The following NCOA7 variants were observed in gnomAD, a reference collection of about 807,000 sequenced individuals.
NCOA7 encodes nuclear receptor coactivator 7.
A neutral mutation model predicts 104.3 loss-of-function variants in NCOA7; 45 were observed. The ratio of observed to expected loss-of-function variants is 0.43; its 90% CI spans 0.34 to 0.55. The LOEUF is 0.55. NCOA7 is among the 20% of genes least tolerant of loss of function. The probability of loss-of-function intolerance (pLI) is 0.02; values close to 1 mark genes in which losing one functional copy is unlikely to be tolerated. For missense variants in NCOA7, 1,041 were observed against 1,119.7 expected (o/e 0.93, Z 1.00); for synonymous variants, 398 against 402.3 (o/e 0.99, Z 0.13).
At chr6:125,848,256 T>C (rs1431258600) in intron 2 of NCOA7, among the ~76,000 whole-genome samples, 1 of 152,126 alleles carries the variant, frequency 6.6e-6, no homozygotes, top group Non-Finnish European at 1.5e-5. Flanking sequence ...TCCTCAAGGA[T>C]CTAGAACTAG....
chr6:125,911,968 C>T (rs771251529), intron 10 of NCOA7, among the ~76,000 whole-genome samples: 16 of 152,338 alleles, frequency 1.1e-4, no homozygotes, highest in Non-Finnish European at 1.6e-4. Context: ...AGCTAGGAGG[C>T]ATGCCGTTGC....
intron 10 of NCOA7, among the ~76,000 whole-genome samples, chr6:125,897,847 T>C (rs1785168803): frequency 6.6e-6 from 1 of 152,212 alleles, no homozygotes; most frequent in Non-Finnish European, 1.5e-5. Flanking sequence ...GCCTGGTTAA[T>C]TTTTGCATTT....
chr6:125,882,320 TA>T, intron 6 of NCOA7, 105 bp from the exon 7 acceptor site: 1 of 1,157,706 alleles, frequency 8.6e-7, no homozygotes, highest in Middle Eastern at 2.6e-4. Context: ...ATGTTCCACT[TA>T]AATAGAAATA....
At chr6:125,815,483 G>A (rs574282392) in intron 2 of NCOA7, 79 bp downstream of exon 2, 24 of 1,202,260 alleles carry the variant, frequency 2.0e-5, no homozygotes, top group East Asian at 9.5e-5. Flanking sequence ...GTATTACTTC[G>A]CATTTTGTGT....
Position 125,928,640 on chromosome 6 carries a change from C to A in NCOA7, c.2698C>A (p.Arg900=). The A allele has an allele frequency of 6.3e-7, 1 of 1,583,776 alleles. No homozygotes were observed. Among genetic ancestry groups the A allele is most frequent in the South Asian group, 1.2e-5 (1 of 86,280 alleles). Residue 900 remains arginine, a synonymous_variant, in exon 16 of 16, where the codon CGA becomes AGA. Coordinates refer to ENST00000392477, the MANE Select transcript of NCOA7 (RefSeq NM_181782.5). ...TTTTTTTTTTAACCTTTTCAGGGGACGATTTGGTTTATGGCTAGATGCTGA... is the reference window on the plus strand; with the variant it reads ...TTTTTTTTTTAACCTTTTCAGGGGAAGATTTGGTTTATGGCTAGATGCTGA... The part of the protein sequence containing the change: ...SSLELGGGGG[R]FGLWLDADLY...
At chr6:125,838,972 C>T (rs1474635762) in intron 2 of NCOA7, among the ~76,000 whole-genome samples, 1 of 152,114 alleles carries the variant, frequency 6.6e-6, no homozygotes, top group African/African-American at 2.4e-5. Flanking sequence ...AGCTTCCATG[C>T]CCTCTCTGGG....
intron 2 of NCOA7, among the ~76,000 whole-genome samples, chr6:125,850,742 A>G (rs2128615196): frequency 6.6e-6 from 1 of 152,360 alleles, no homozygotes; most frequent in Admixed American, 6.5e-5. Flanking sequence ...CACCTTCGGA[A>G]GGGGGCAACA....
At chr6:125,817,112 G>A (rs1777662245) in intron 2 of NCOA7, among the ~76,000 whole-genome samples, 1 of 152,156 alleles carries the variant, frequency 6.6e-6, no homozygotes, top group Non-Finnish European at 1.5e-5. Flanking sequence ...TTATTGCACA[G>A]TAGCATTCCA....
upstream of NCOA7, among the ~76,000 whole-genome samples, chr6:125,790,325 G>A (rs1166025264): frequency 1.3e-5 from 2 of 152,256 alleles, no homozygotes; most frequent in African/African-American, 4.8e-5. Flanking sequence ...ACGAAGAGTA[G>A]GGGCCAGGCG....
intron 3 of NCOA7, among the ~76,000 whole-genome samples, chr6:125,859,521 A>G (rs2128624653): frequency 6.6e-6 from 1 of 152,358 alleles, no homozygotes; most frequent in South Asian, 2.1e-4. Context: ...GATATGTAAC[A>G]ATATGTTGAT....
intron 3 of NCOA7, among the ~76,000 whole-genome samples, chr6:125,861,065 T>C (rs1301118760): frequency 6.6e-6 from 1 of 152,246 alleles, no homozygotes; most frequent in Non-Finnish European, 1.5e-5. Context: ...GTACAAAGAA[T>C]GAATTTAGCT....
intron 11 of NCOA7, among the ~76,000 whole-genome samples, chr6:125,915,820 G>T (rs1288792296): frequency 6.6e-6 from 1 of 152,082 alleles, no homozygotes; most frequent in Non-Finnish European, 1.5e-5. Flanking sequence ...TCCTGTTGCA[G>T]GTACTCATAG....
At chr6:125,784,672 T>C (rs144192465) in intron 1 of NCOA7, among the ~76,000 whole-genome samples, 22 of 152,302 alleles carry the variant, frequency 1.4e-4, no homozygotes, top group African/African-American at 4.6e-4. Flanking sequence ...TTAAACAAAC[T>C]GTGGTACATC....
At chr6:125,792,012 T>A (rs1229047303) in intron 1 of NCOA7, among the ~76,000 whole-genome samples, 1 of 152,154 alleles carries the variant, frequency 6.6e-6, no homozygotes, top group Admixed American at 6.5e-5. Context: ...CACTTAGGTA[T>A]AGAGATTTGG....
intron 3 of NCOA7, among the ~76,000 whole-genome samples, chr6:125,869,667 C>T (rs1782728524): frequency 6.6e-6 from 1 of 152,202 alleles, no homozygotes; most frequent in Admixed American, 6.5e-5. Context: ...ACTCAGGCAG[C>T]GTTGCTGGCT....
chr6:125,879,865 T>G (rs1012289843), intron 5 of NCOA7, among the ~76,000 whole-genome samples: 2 of 151,892 alleles, frequency 1.3e-5, no homozygotes, highest in Admixed American at 6.6e-5. Flanking sequence ...GTAGCCAGGC[T>G]TGGTGGTGGG....
intron 1 of NCOA7, among the ~76,000 whole-genome samples, chr6:125,793,106 A>G (rs73771184): frequency 0.045 from 6,779 of 152,282 alleles, 478 homozygotes; most frequent in African/African-American, 0.15. Flanking sequence ...ACTTTCCTAT[A>G]AAAGTTAATA....
intron 2 of NCOA7, among the ~76,000 whole-genome samples, chr6:125,838,564 T>C (rs1779830456): frequency 6.6e-6 from 1 of 152,148 alleles, no homozygotes; most frequent in Admixed American, 6.5e-5. Flanking sequence ...CAAAGAAGCA[T>C]ATTCTGGAGT....
intron 2 of NCOA7, among the ~76,000 whole-genome samples, chr6:125,816,746 A>G (rs1777628449): frequency 6.6e-6 from 1 of 152,226 alleles, no homozygotes; most frequent in Non-Finnish European, 1.5e-5. Context: ...CAGTATCACA[A>G]CTAGGAAATT....
Sources: gnomAD v4.1 joint callset for allele counts (sites outside exome capture counted in the v4.1 genomes callset) on GRCh38, gnomAD v4.1.1 for gene constraint, MANE v1.5 for transcripts, NCBI Gene and HGNC (gene_info 2026-07-23, HGNC 2026-07-21) for gene names.